Variants in PAPPA observed in about 807,000 individuals in gnomAD.
PAPPA encodes pappalysin-1.
PAPPA carries 60 observed loss-of-function variants against 164.0 expected under a neutral mutation model. The ratio of observed to expected loss-of-function variants is 0.37; its 90% CI spans 0.30 to 0.45. The LOEUF (loss-of-function observed/expected upper bound fraction) is 0.45, where lower values mean the gene tolerates loss of function less well. PAPPA is among the 20% of genes least tolerant of loss of function. PAPPA has a pLI of 1.00. For synonymous variants in PAPPA, 875 were observed against 814.1 expected, an observed-to-expected ratio of 1.07 and a Z score of -1.27; for missense variants, 1,782 against 2,087.3, an observed-to-expected ratio of 0.85 and a Z score of 2.85.
chr9:116,203,147 T>C (rs2118665500), intron 2 of PAPPA, among the ~76,000 whole-genome samples: 1 of 152,310 alleles, frequency 6.6e-6, no homozygotes, highest in South Asian at 2.1e-4. Flanking sequence ...GGGAACTGTG[T>C]CCACCTGAAG....
At chr9:116,208,367 A>G (rs1337732594) in intron 3 of PAPPA, among the ~76,000 whole-genome samples, 2 of 119,124 alleles carry the variant, frequency 1.7e-5, no homozygotes, top group East Asian at 3.3e-4. Context: ...ATATTATGCT[A>G]TCTACTTTTT....
At chr9:116,352,280 G>A (rs1846292653) in intron 15 of PAPPA, among the ~76,000 whole-genome samples, 1 of 152,306 alleles carries the variant, frequency 6.6e-6, no homozygotes, top group Admixed American at 6.5e-5. Flanking sequence ...GCAGCTTGAG[G>A]TCATGCACTC....
Position 116,396,696 on chromosome 9 carries a change from A to C in PAPPA, c.*80A>C. On this transcript the variant is annotated 3_prime_UTR_variant, in exon 22 of 22. Transcript: ENST00000328252. ...GTATTGATTTCACAGTCAGCTGCTC[A>C]ACGGAATGGCCTCTCCACACCAGGG... 2.7e-6 allele frequency: 2 copies of C among 729,728 alleles called. No homozygotes were observed. Among genetic ancestry groups the C allele is most frequent in the Non-Finnish European group, 5.1e-6 (2 of 392,130 alleles). The allele number at this position is 729,728 out of a possible 1,614,324, so 45.2% of individuals were successfully genotyped here.
intron 1 of PAPPA, among the ~76,000 whole-genome samples, chr9:116,183,695 C>T (rs1266627127): frequency 2.6e-5 from 4 of 152,254 alleles, no homozygotes; most frequent in Non-Finnish European, 5.9e-5. Flanking sequence ...GAAGCCGCTG[C>T]TTCAAGGTTC....
In PAPPA at chr9:116,224,587, A is replaced by G. The variant is rs74902507; in HGVS notation, c.2112-2844A>G. Among the ~76,000 whole-genome samples, 808 of 152,348 alleles carry G rather than the reference A, an allele frequency of 5.3e-3. 2 individuals are homozygous for G. Among genetic ancestry groups the G allele is most frequent in the Non-Finnish European group, 8.7e-3 (592 of 68,030 alleles). On this transcript the variant is annotated intron_variant, in intron 5 of 21. Coordinates refer to ENST00000328252, the MANE Select transcript of PAPPA (RefSeq NM_002581.5). ...CAAGTTAATTCATTATATACAATGG[A>G]TGCCTTGGAGAAACACTGTCCAATA...
chr9:116,376,804 G>A (rs1053638469), intron 19 of PAPPA, among the ~76,000 whole-genome samples: 2 of 152,168 alleles, frequency 1.3e-5, no homozygotes, highest in African/African-American at 4.8e-5. Flanking sequence ...AAGGGGAAGA[G>A]CAAGAACGAA....
chr9:116,390,002 C>T (rs1199995171), intron 21 of PAPPA, among the ~76,000 whole-genome samples: 2 of 151,884 alleles, frequency 1.3e-5, no homozygotes, highest in Non-Finnish European at 2.9e-5. Flanking sequence ...GTTTCCTGTC[C>T]AATAGTAGGT....
intron 5 of PAPPA, among the ~76,000 whole-genome samples, chr9:116,222,915 T>A (rs1197922250): frequency 6.6e-6 from 1 of 152,232 alleles, no homozygotes; most frequent in Non-Finnish European, 1.5e-5. Flanking sequence ...CCCTCCACAT[T>A]GTAAACATAT....
At chr9:116,220,647 G>A (rs553596452) in intron 5 of PAPPA, among the ~76,000 whole-genome samples, 3 of 151,784 alleles carry the variant, frequency 2.0e-5, no homozygotes, top group Non-Finnish European at 4.4e-5. Context: ...CCAGCACTTT[G>A]GGAGGCCAAG....
At chr9:116,166,360 G>A (rs961571606) in intron 1 of PAPPA, among the ~76,000 whole-genome samples, 3 of 152,136 alleles carry the variant, frequency 2.0e-5, no homozygotes, top group South Asian at 2.1e-4. Flanking sequence ...TGTGTGCACG[G>A]CAGCACATAA....
At chr9:116,376,357 C>T (rs568441297) in intron 19 of PAPPA, among the ~76,000 whole-genome samples, 1 of 152,180 alleles carries the variant, frequency 6.6e-6, no homozygotes, top group Non-Finnish European at 1.5e-5. Flanking sequence ...ATTCCTAATA[C>T]TATGTTATCT....
chr9:116,364,879 A>T (rs930530234), intron 18 of PAPPA, among the ~76,000 whole-genome samples: 8 of 152,172 alleles, frequency 5.3e-5, no homozygotes, highest in Non-Finnish European at 1.0e-4. Flanking sequence ...CTGTACCCCA[A>T]GTCCCCACGG....
intron 7 of PAPPA, among the ~76,000 whole-genome samples, chr9:116,265,510 C>A (rs139887314): frequency 3.9e-5 from 6 of 152,230 alleles, no homozygotes; most frequent in Admixed American, 6.5e-5. Context: ...TTTATTTTTC[C>A]TGGATGGCTT....
rs1014214330 is a variant in PAPPA at position 116,187,763 on chromosome 9, A to G, written c.1025A>G (p.Asn342Ser). Reference sequence around the variant, plus strand: ...AACACAGAGGTCATTGCCAGCTACAATCAGCTCTCAAGTTTCCGCCAGCCC... The same window carrying G: ...AACACAGAGGTCATTGCCAGCTACAGTCAGCTCTCAAGTTTCCGCCAGCCC... Reference protein sequence around the residue: ...CDNTEVIASYNQLSSFRQPKV... With the variant: ...CDNTEVIASYSQLSSFRQPKV... The change falls in exon 2 of 22, where the codon AAT becomes AGT. Residue 342 changes from asparagine (N) to serine (S), a missense_variant. Coordinates refer to ENST00000328252, the MANE Select transcript of PAPPA (RefSeq NM_002581.5). The surrounding 1 kb of genome is among the most constrained non-coding windows in gnomAD (Gnocchi z 4.2). 5.6e-6 allele frequency: 9 copies of G among 1,614,242 alleles called. No individual in the cohort carries two copies. Among genetic ancestry groups the G allele is most frequent in the South Asian group, 1.1e-5 (1 of 91,090 alleles).
chr9:116,188,466 G>A (rs1844005566), intron 2 of PAPPA, among the ~76,000 whole-genome samples: 1 of 152,182 alleles, frequency 6.6e-6, no homozygotes, highest in African/African-American at 2.4e-5. Context: ...TTTTCTCAAA[G>A]AGCCCAGAGT....
intron 10 of PAPPA, chr9:116,316,454 C>T (rs774917304): frequency 1.3e-5 from 2 of 152,226 alleles, no homozygotes; most frequent in African/African-American, 2.4e-5. Flanking sequence ...TGCTTCAACA[C>T]CCTGCGTTTG....
intron 21 of PAPPA, among the ~76,000 whole-genome samples, chr9:116,386,010 C>T (rs2118712512): frequency 6.6e-6 from 1 of 152,302 alleles, no homozygotes; most frequent in East Asian, 1.9e-4. Flanking sequence ...GGGACATTTA[C>T]ATGGAGATCT....
intron 7 of PAPPA, among the ~76,000 whole-genome samples, chr9:116,244,721 G>A (rs748357599): frequency 5.9e-5 from 9 of 152,150 alleles, no homozygotes; most frequent in Non-Finnish European, 1.5e-5. Flanking sequence ...TGATGAAAAT[G>A]TAAATTAGTA....
Position 116,281,557 on chromosome 9 carries a change from C to T in PAPPA, c.2953+10141C>T, listed in dbSNP as rs151080947. Among the ~76,000 whole-genome samples, 36 of 152,190 alleles carry T rather than the reference C, an allele frequency of 2.4e-4. No individual in the cohort carries two copies. The East Asian group carries it at 4.6e-3, about 20-fold the overall frequency. ...GAACCCAAACAGATGACCTTCCAAA[C>T]GGTTTAGGCAGCATCCAGGATCCTC... On this transcript the variant is annotated intron_variant, in intron 9 of 21. Transcript: ENST00000328252.
Sources: gnomAD v4.1 joint callset for allele counts (sites outside exome capture counted in the v4.1 genomes callset) on GRCh38, gnomAD v4.1.1 for gene constraint, Gnocchi (gnomAD v3.1) non-coding constraint, MANE v1.5 for transcripts, NCBI Gene and HGNC (gene_info 2026-07-23, HGNC 2026-07-21) for gene names.